SSUH2: variants seen among roughly 807,000 people sequenced by gnomAD.
SSUH2 encodes the protein protein SSUH2 homolog.
SSUH2 carries 47 observed loss-of-function variants against 55.3 expected under a neutral mutation model. The ratio of observed to expected loss-of-function variants is 0.85; its 90% CI spans 0.67 to 1.08. The LOEUF (loss-of-function observed/expected upper bound fraction) is 1.08, where lower values mean the gene tolerates loss of function less well. Among genes scored for constraint, SSUH2 ranks in the 50% least tolerant of loss-of-function variants. The pLI is 0.00. For missense variants in SSUH2, 535 were observed against 490.7 expected (o/e 1.09, Z -0.85); for synonymous variants, 212 against 191.5 (o/e 1.11, Z -0.89).
At chr3:8,653,487 A>G (rs1702635885) in intron 7 of SSUH2, among the ~76,000 whole-genome samples, 1 of 152,198 alleles carries the variant, frequency 6.6e-6, no homozygotes, top group Non-Finnish European at 1.5e-5. Context: ...CCTTTTTGTT[A>G]AGAAGAAACA....
chr3:8,621,893 A>C (rs1397032992), intron 11 of SSUH2, among the ~76,000 whole-genome samples: 1 of 152,208 alleles, frequency 6.6e-6, no homozygotes, highest in Non-Finnish European at 1.5e-5. Flanking sequence ...TTTTCTATTA[A>C]GATCCAATGG....
chr3:8,667,804 T>C (rs570791408), intron 5 of SSUH2, among the ~76,000 whole-genome samples: 1 of 152,118 alleles, frequency 6.6e-6, no homozygotes, highest in African/African-American at 2.4e-5. Flanking sequence ...AAAAGACACA[T>C]AAAAGACAGC....
intron 3 of SSUH2, among the ~76,000 whole-genome samples, chr3:8,676,910 CT>C (rs1559556292): frequency 6.9e-6 from 1 of 145,268 alleles, no homozygotes; most frequent in East Asian, 2.2e-4. Flanking sequence ...GCCAGCCCCT[CT>C]TTCCCCCCTG....
intron 1 of SSUH2, among the ~76,000 whole-genome samples, chr3:8,636,823 C>T (rs113273409): frequency 1.3e-5 from 2 of 152,172 alleles, no homozygotes; most frequent in African/African-American, 4.8e-5. Flanking sequence ...GTGACCCAAA[C>T]TGGTACACTA....
chr3:8,661,929 T>C (rs1196126540), intron 6 of SSUH2, among the ~76,000 whole-genome samples: 1 of 152,218 alleles, frequency 6.6e-6, no homozygotes, highest in African/African-American at 2.4e-5. Flanking sequence ...ATAAGTCTCA[T>C]GAAATCCGAC....
intron 1 of SSUH2, among the ~76,000 whole-genome samples, chr3:8,643,480 TATTAGAGGTCAG>T (rs1311568210): frequency 3.3e-5 from 5 of 152,244 alleles, no homozygotes; most frequent in African/African-American, 1.2e-4. Flanking sequence ...ATTTCCAATA[TATTAGAGGTCAG>T]ATTAAGCCCT....
rs1342643034 is a variant in SSUH2 at position 8,670,035 on chromosome 3, T to C, written c.-455+963A>G. On this transcript the variant is annotated intron_variant, in intron 5 of 18. Transcript: ENST00000317371. ...GCTCCCCTTACCAGGGAAAGAGGCT[T>C]CCCACTCTTGAGTCCACAGTGCTTG... is the stretch of plus-strand genomic sequence containing the variant. Among the ~76,000 whole-genome samples the C allele has an allele frequency of 2.0e-5, 3 of 152,170 alleles. No homozygotes were observed. In the East Asian group the frequency reaches 5.8e-4, roughly 29 times the overall value.
intron 7 of SSUH2, among the ~76,000 whole-genome samples, chr3:8,656,605 G>A (rs895532618): frequency 6.6e-6 from 1 of 152,126 alleles, no homozygotes; most frequent in African/African-American, 2.4e-5. Context: ...CACAACCCCT[G>A]CCCATGTGGA....
intron 4 of SSUH2, among the ~76,000 whole-genome samples, chr3:8,633,108 C>T (rs1699145349): frequency 1.3e-5 from 2 of 150,170 alleles, no homozygotes; most frequent in African/African-American, 4.9e-5. Flanking sequence ...TGATGCCTGG[C>T]ATGTTCAAGC....
In SSUH2 at chr3:8,630,867, C is replaced by T. The variant is rs763728763; in HGVS notation, c.463G>A (p.Gly155Ser). ...SPRLWDIKVQGPPMFQEDTRK... is the reference protein window; with the variant it reads ...SPRLWDIKVQSPPMFQEDTRK... ...GTGTCTTCCTGAAACATCGGAGGAC[C>T]TTGAACCTTGATGTCCCAGAGCCTG... The change falls in exon 6 of 12, where the codon GGT becomes AGT. Residue 155 changes from glycine to serine, a missense_variant. Transcript: ENST00000544814. 2 of 1,501,568 alleles carry T rather than the reference C, an allele frequency of 1.3e-6. No homozygotes were observed. The highest frequency in any genetic ancestry group is 4.5e-5 in the Admixed American group (2 of 44,206). The allele number at this position is 1,501,568 out of a possible 1,614,324, so 93.0% of individuals were successfully genotyped here.
At chr3:8,664,566 C>A (rs1327251545) in intron 5 of SSUH2, among the ~76,000 whole-genome samples, 3 of 152,188 alleles carry the variant, frequency 2.0e-5, no homozygotes, top group Non-Finnish European at 4.4e-5. Context: ...AAATGCACCC[C>A]ATTTTGAGAA....
At chr3:8,657,925 C>A (rs959740755) in intron 7 of SSUH2, among the ~76,000 whole-genome samples, 7 of 152,280 alleles carry the variant, frequency 4.6e-5, no homozygotes, top group African/African-American at 1.2e-4. Context: ...TCCACGCCTG[C>A]ATAGCCCTGC....
chr3:8,643,834 A>T (rs1452694849), intron 1 of SSUH2, among the ~76,000 whole-genome samples: 3 of 152,192 alleles, frequency 2.0e-5, no homozygotes, highest in Non-Finnish European at 4.4e-5. Context: ...CATGGTCCTC[A>T]GATTGAGACC....
intron 3 of SSUH2, among the ~76,000 whole-genome samples, 191 bp downstream of exon 3, chr3:8,635,109 T>A (rs1699691777): frequency 6.6e-6 from 1 of 152,216 alleles, no homozygotes; most frequent in Non-Finnish European, 1.5e-5. Flanking sequence ...GCTGGCTTTG[T>A]TGCCAAACCA....
chr3:8,662,777 T>C (rs192118613), intron 6 of SSUH2, among the ~76,000 whole-genome samples: 2 of 152,322 alleles, frequency 1.3e-5, no homozygotes, highest in Admixed American at 1.3e-4. Flanking sequence ...TCCTACCTTA[T>C]TGACTCTGGT....
intron 1 of SSUH2, among the ~76,000 whole-genome samples, chr3:8,636,918 G>A (rs2125219545): frequency 6.6e-6 from 1 of 152,230 alleles, no homozygotes; most frequent in African/African-American, 2.4e-5. Flanking sequence ...GCAAGTGGTG[G>A]GTGGGGCTGG....
chr3:8,629,633 C>CTGACTCACCAGTGTTTCACAGA, intron 7 of SSUH2, 31 bp downstream of exon 7: 4 of 1,587,726 alleles, frequency 2.5e-6, no homozygotes, highest in Non-Finnish European at 3.5e-6. Context: ...CACACCCTCA[C>CTGACTCACCAGTGTTTCACAGA]TGACTCACCA....
At chr3:8,624,904 C>T (rs1196258895) in intron 10 of SSUH2, among the ~76,000 whole-genome samples, 2 of 152,106 alleles carry the variant, frequency 1.3e-5, no homozygotes, top group African/African-American at 4.8e-5. Context: ...ACTGTCCCCT[C>T]GCTCCCACGC....
chr3:8,679,466 A>G (rs1273534254), intron 2 of SSUH2, among the ~76,000 whole-genome samples: 1 of 136,610 alleles, frequency 7.3e-6, no homozygotes, highest in Admixed American at 7.1e-5. Flanking sequence ...ACCCCCCGGG[A>G]GGCGGGGACT....
Sources: allele counts gnomAD v4.1 joint callset (sites outside exome capture counted in the v4.1 genomes callset), GRCh38; gene constraint gnomAD v4.1.1; transcripts MANE v1.5; gene names NCBI Gene and HGNC (gene_info 2026-07-23, HGNC 2026-07-21).